Variants in ZFAND4 observed in about 807,000 individuals in gnomAD.
The protein encoded by ZFAND4 is zinc finger AN1-type containing 4, also known as AN1-type zinc finger protein 4.
ZFAND4 carries 43 observed loss-of-function variants against 64.4 expected under a neutral mutation model. The ratio of observed to expected loss-of-function variants is 0.67; its 90% confidence interval spans 0.52 to 0.86. The LOEUF is 0.86. Ranked by LOEUF, ZFAND4 falls within the 40% of genes least tolerant of loss-of-function variation. ZFAND4 has a pLI of 0.00. For synonymous variants in ZFAND4, 296 were observed against 305.7 expected (o/e 0.97, Z 0.33); for missense variants, 929 against 859.8 (o/e 1.08, Z -1.01).
chr10:45,646,055 ATTGAC>A (rs1480104540), intron 5 of ZFAND4, among the ~76,000 whole-genome samples: 1 of 152,224 alleles, frequency 6.6e-6, no homozygotes, highest in African/African-American at 2.4e-5. Context: ...AACTTTTGCA[ATTGAC>A]TTTGCAAATT....
At chr10:45,667,086 T>C (rs1028574382) in intron 1 of ZFAND4, among the ~76,000 whole-genome samples, 1 of 152,264 alleles carries the variant, frequency 6.6e-6, no homozygotes, top group Non-Finnish European at 1.5e-5. Context: ...GCAATCTTAA[T>C]ACTAAGTCTT....
At chr10:45,654,959 A>G (rs947665315) in intron 2 of ZFAND4, among the ~76,000 whole-genome samples, 2 of 152,218 alleles carry the variant, frequency 1.3e-5, no homozygotes, top group Non-Finnish European at 2.9e-5. Context: ...CCAGAAAGTC[A>G]ACAAAGAAAA....
At chr10:45,662,360 A>C (rs2048536201) in intron 2 of ZFAND4, among the ~76,000 whole-genome samples, 1 of 152,190 alleles carries the variant, frequency 6.6e-6, no homozygotes, top group South Asian at 2.1e-4. Context: ...TCTAAACCCA[A>C]GTTGACTCTT....
At position 45,618,046 on chromosome 10, in the gene ZFAND4, T is replaced by A. The variant is rs1265995675; in HGVS notation, c.2048+94A>T. ...CTATTGAACATCATCTTAATGATGT[T>A]ATAAACAGGCAATTTAAATATTTTA... is the stretch of plus-strand genomic sequence containing the variant. On this transcript the variant is annotated intron_variant, in intron 9 of 9. Transcript: ENST00000344646. 1.6e-5 allele frequency: 21 copies of A among 1,338,446 alleles called. No homozygotes were observed. In the East Asian group the frequency reaches 2.9e-4, roughly 18 times the overall value. The allele number at this position is 1,338,446 out of a possible 1,614,324, so 82.9% of individuals were successfully genotyped here. A position where few individuals can be genotyped will look rare whatever the true frequency, so the allele number is the denominator to read the frequency against.
chr10:45,621,558 C>T (rs185508959), intron 8 of ZFAND4, among the ~76,000 whole-genome samples: 59 of 151,952 alleles, frequency 3.9e-4, no homozygotes, highest in African/African-American at 1.4e-3. Context: ...CTGGCTAACA[C>T]AGTGAAACCC....
chr10:45,653,168 C>T (rs2047873832), intron 2 of ZFAND4, 109 bp from the exon 3 acceptor site: 1 of 817,586 alleles, frequency 1.2e-6, no homozygotes, highest in Non-Finnish European at 1.9e-6. Flanking sequence ...AAAAATTAAA[C>T]ATTCTTCTAA....
At chr10:45,646,328 G>T (rs1210649533) in intron 5 of ZFAND4, among the ~76,000 whole-genome samples, 4 of 152,160 alleles carry the variant, frequency 2.6e-5, no homozygotes, top group African/African-American at 4.8e-5. Flanking sequence ...CTTTACAGAA[G>T]AAGTTTGCTA....
At position 45,626,987 on chromosome 10, in the gene ZFAND4, C is replaced by G. The variant is rs1263422277; in HGVS notation, c.836G>C (p.Cys279Ser). The change falls in exon 7 of 10, where the codon TGT (cysteine) becomes TCT (serine). Residue 279 changes from cysteine to serine, a missense_variant. By Grantham distance (112) the Cys-to-Ser change is moderately radical (BLOSUM62 -1). Coordinates refer to ENST00000344646, the MANE Select transcript of ZFAND4 (RefSeq NM_174890.4). ...LRVLPNIGQS[C>S]SPAFGNAYPP... ...ATATGCATTCCCAAAAGCAGGTGAA[C>G]AAGATTGACCAATGTTGGGGAGGAC... 6.2e-7 allele frequency: 1 copy of G among 1,613,838 alleles called. No individual in the cohort carries two copies. The highest frequency in any genetic ancestry group is 2.2e-5 in the East Asian group (1 of 44,882).
Position 45,638,050 on chromosome 10 carries a change from A to C in ZFAND4, c.717+1766T>G, listed in dbSNP as rs115203890. Reference sequence around the variant, plus strand: ...TGAAAAGTCAATATTATTCCTCATTAGAGAAATATAAAAGAAAACCATTTA... The same window carrying C: ...TGAAAAGTCAATATTATTCCTCATTCGAGAAATATAAAAGAAAACCATTTA... On this transcript the variant is annotated intron_variant, in intron 6 of 9. Transcript: ENST00000344646. Among the ~76,000 whole-genome samples the C allele has an allele frequency of 4.6e-3, 697 of 152,328 alleles. 5 individuals are homozygous for C. Among genetic ancestry groups the C allele is most frequent in the African/African-American group, 0.016 (659 of 41,580 alleles).
intron 5 of ZFAND4, chr10:45,640,469 C>T (rs1013889762): frequency 1.3e-4 from 149 of 1,154,602 alleles, no homozygotes; most frequent in Non-Finnish European, 1.6e-4. Flanking sequence ...GTCATCAGAA[C>T]ATTTTCTATT....
intron 6 of ZFAND4, among the ~76,000 whole-genome samples, chr10:45,630,003 C>T (rs2046096157): frequency 6.6e-6 from 1 of 152,058 alleles, no homozygotes; most frequent in South Asian, 2.1e-4. Flanking sequence ...ATCCTCACTT[C>T]TGTGTATTAA....
intron 1 of ZFAND4, among the ~76,000 whole-genome samples, chr10:45,664,296 G>C (rs2048664925): frequency 1.4e-5 from 2 of 146,864 alleles, no homozygotes; most frequent in African/African-American, 5.1e-5. Context: ...TTTTGACAGA[G>C]TCTCGCTCTG....
intron 5 of ZFAND4, 159 bp from the exon 6 acceptor site, chr10:45,640,122 C>A (rs1027921319): frequency 7.8e-7 from 1 of 1,279,908 alleles, no homozygotes; most frequent in African/African-American, 1.5e-5. Context: ...AAAGAATGTA[C>A]TTCTTAAAAG....
At chr10:45,641,783 C>T (rs1169488418) in intron 5 of ZFAND4, among the ~76,000 whole-genome samples, 1 of 152,212 alleles carries the variant, frequency 6.6e-6, no homozygotes, top group Non-Finnish European at 1.5e-5. Flanking sequence ...TCTCACAAAA[C>T]TACATAAGGT....
intron 2 of ZFAND4, among the ~76,000 whole-genome samples, chr10:45,654,358 T>C (rs2047960889): frequency 6.6e-6 from 1 of 152,166 alleles, no homozygotes; most frequent in Non-Finnish European, 1.5e-5. Flanking sequence ...CAGTAGCTCA[T>C]GCCTGTAATT....
intron 1 of ZFAND4, among the ~76,000 whole-genome samples, chr10:45,667,235 G>C (rs2048881391): frequency 6.6e-6 from 1 of 151,678 alleles, no homozygotes; most frequent in Non-Finnish European, 1.5e-5. Flanking sequence ...ATTACAAATG[G>C]AATCACTGTC....
chr10:45,640,671 T>C (rs2046933551), intron 5 of ZFAND4, among the ~76,000 whole-genome samples: 2 of 152,108 alleles, frequency 1.3e-5, no homozygotes, highest in Non-Finnish European at 2.9e-5. Context: ...TTTGTATTTT[T>C]AGTAGAGACA....
At position 45,640,955 on chromosome 10, in the gene ZFAND4, C is replaced by G. The variant is rs572337767; in HGVS notation, c.570-992G>C. Among the ~76,000 whole-genome samples, 3 of 152,268 alleles carry G rather than the reference C, an allele frequency of 2.0e-5. No homozygotes were observed. The East Asian group carries it at 5.8e-4, about 29-fold the overall frequency. On this transcript the variant is annotated intron_variant, in intron 5 of 9. Transcript: ENST00000344646. ...TTCAATTACTGATCAACCACAGCGACGTTATTCATATTTCAATGTAATTAA... is the reference window on the plus strand; with the variant it reads ...TTCAATTACTGATCAACCACAGCGAGGTTATTCATATTTCAATGTAATTAA...
chr10:45,669,390 T>C (rs553325025), intron 1 of ZFAND4, among the ~76,000 whole-genome samples: 17 of 152,296 alleles, frequency 1.1e-4, no homozygotes, highest in African/African-American at 4.1e-4. Flanking sequence ...CAATAATTAA[T>C]AGCCTACCAA....
Sources: gnomAD v4.1 joint callset for allele counts (sites outside exome capture counted in the v4.1 genomes callset) on GRCh38, gnomAD v4.1.1 for gene constraint, MANE v1.5 for transcripts, NCBI Gene and HGNC (gene_info 2026-07-23, HGNC 2026-07-21) for gene names.